Variants in REXO5 observed in about 807,000 individuals in gnomAD.
REXO5 encodes exonuclease NEF-sp.
A neutral mutation model predicts 88.5 loss-of-function variants in REXO5; 48 were observed. The ratio of observed to expected loss-of-function variants is 0.54; its 90% confidence interval spans 0.43 to 0.69. REXO5 has a LOEUF of 0.69. Among genes scored for constraint, REXO5 ranks in the 30% least tolerant of loss-of-function variants. The pLI is 0.00. For missense variants in REXO5, 749 were observed against 912.2 expected (o/e 0.82, Z 2.30); for synonymous variants, 311 against 336.5 (o/e 0.92, Z 0.83).
rs779122463 is a variant in REXO5 at position 20,840,474 on chromosome 16, A to G, written c.1626+6A>G. On this transcript the variant is annotated splice_donor_region_variant and intron_variant, in intron 15 of 19. Transcript: ENST00000261377. ...TTGTTCTTGAAACCCGTCAGGTAAG[A>G]CCGGAAAATTCAGATTTCATTTTCT... 1.5e-5 allele frequency: 23 copies of G among 1,540,348 alleles called. No homozygotes were observed. Among genetic ancestry groups the G allele is most frequent in the Middle Eastern group, 1.7e-4 (1 of 5,776 alleles).
rs138180409 is a variant in REXO5 at position 20,813,187 on chromosome 16, C to T, written c.139-3C>T. The T allele has an allele frequency of 6.5e-3, 10,398 of 1,601,570 alleles. 45 individuals are homozygous for T. Among genetic ancestry groups the T allele is most frequent in the Non-Finnish European group, 7.5e-3 (8,805 of 1,168,710 alleles). ...CTTGCTACGCCCTGATTAATCTTTG[C>T]AGAAAGCCCGCTTATCTACCATTTT... On this transcript the variant is annotated splice_polypyrimidine_tract_variant and splice_region_variant and intron_variant, in intron 2 of 19. Transcript: ENST00000261377.
intron 3 of REXO5, among the ~76,000 whole-genome samples, chr16:20,813,877 A>G (rs1314155014): frequency 6.6e-6 from 1 of 152,064 alleles, no homozygotes; most frequent in Non-Finnish European, 1.5e-5. Context: ...TGGGCAACAT[A>G]GCGAGACTCA....
chr16:20,823,311 G>A (rs897884162), intron 6 of REXO5: 4 of 152,164 alleles, frequency 2.6e-5, no homozygotes, highest in Non-Finnish European at 2.9e-5. Context: ...TGATGTAGGC[G>A]TGTTTTATAG....
Position 20,827,152 on chromosome 16 carries a change from G to A in REXO5, c.916G>A (p.Val306Met). 6.2e-7 allele frequency: 1 copy of A among 1,614,134 alleles called. No homozygotes were observed. Among genetic ancestry groups the A allele is most frequent in the Non-Finnish European group, 8.5e-7 (1 of 1,180,020 alleles). Residue 306 changes from valine to methionine, a missense_variant, in exon 9 of 20, where the codon GTG becomes ATG. Coordinates refer to ENST00000261377, the MANE Select transcript of REXO5 (RefSeq NM_030941.3). ...QLKALLPPDA[V>M]LVGHSLDLDL... Reference sequence around the variant, plus strand: ...AAAAGCACTGCTTCCTCCTGATGCTGTGTTAGTGGGCCACTCCTTAGATTT... The same window carrying A: ...AAAAGCACTGCTTCCTCCTGATGCTATGTTAGTGGGCCACTCCTTAGATTT...
chr16:20,839,533 A>G (rs1406086366), intron 13 of REXO5, among the ~76,000 whole-genome samples: 2 of 152,166 alleles, frequency 1.3e-5, no homozygotes, highest in Non-Finnish European at 2.9e-5. Context: ...TGCCGAAGGT[A>G]TGGCTCATAT....
intron 11 of REXO5, among the ~76,000 whole-genome samples, chr16:20,829,192 A>C (rs868621094): frequency 3.9e-5 from 6 of 152,138 alleles, no homozygotes; most frequent in African/African-American, 1.4e-4. Flanking sequence ...GGGAATACAC[A>C]CTTTTCTGGG....
chr16:20,814,134 C>A (rs892295576), intron 3 of REXO5, among the ~76,000 whole-genome samples: 4 of 151,332 alleles, frequency 2.6e-5, no homozygotes, highest in African/African-American at 9.7e-5. Flanking sequence ...TTGCAACTAC[C>A]CAACTTGGCC....
At chr16:20,808,231 C>T (rs1400252598) in intron 2 of REXO5, among the ~76,000 whole-genome samples, 1 of 152,158 alleles carries the variant, frequency 6.6e-6, no homozygotes, top group Non-Finnish European at 1.5e-5. Flanking sequence ...GGGACCGCTG[C>T]AATAGGGGAA....
At position 20,827,432 on chromosome 16, in the gene REXO5, C is replaced by G; in HGVS notation, c.1040C>G (p.Ala347Gly). 1 of 1,612,800 alleles carries G rather than the reference C, an allele frequency of 6.2e-7. No homozygotes were observed. The highest frequency in any genetic ancestry group is 8.5e-7 in the Non-Finnish European group (1 of 1,179,324). ...QGRRFKLKFL[A>G]KVILGKDIQC... is the part of the protein sequence containing the mutation. Reference sequence around the variant, plus strand: ...AGAAGATTTAAGCTCAAGTTCTTAGCCAAAGTTATTTTGGGGTAGGTTTGC... The same window carrying G: ...AGAAGATTTAAGCTCAAGTTCTTAGGCAAAGTTATTTTGGGGTAGGTTTGC... Residue 347 changes from alanine (A) to glycine (G), a missense_variant, in exon 10 of 20, where the codon GCC becomes GGC. Physicochemically the swap from Ala to Gly is moderately conservative, Grantham distance 60 (BLOSUM62 0). Coordinates refer to ENST00000261377, the MANE Select transcript of REXO5 (RefSeq NM_030941.3).
At chr16:20,816,809 G>C (rs2081088109) in intron 5 of REXO5, among the ~76,000 whole-genome samples, 1 of 152,178 alleles carries the variant, frequency 6.6e-6, no homozygotes, top group African/African-American at 2.4e-5. Flanking sequence ...TTTCTAAACT[G>C]TCACTGGGTC....
intron 5 of REXO5, among the ~76,000 whole-genome samples, chr16:20,820,536 ATATATATATTTTTTTTTTTTTTTT>A (rs2081163091): frequency 7.9e-5 from 1 of 12,654 alleles, no homozygotes; most frequent in Non-Finnish European, 1.3e-4. Context: ...ATATATATAT[ATATATATATTTTTTTTTTTTTTTT>A]TTTTTTTTTT....
chr16:20,849,173 C>T (rs140909264), intron 19 of REXO5, among the ~76,000 whole-genome samples: 72 of 152,310 alleles, frequency 4.7e-4, no homozygotes, highest in Non-Finnish European at 5.9e-4. Context: ...ATAGATATGC[C>T]TCATATCTCT....
rs569011351 is a variant in REXO5, at chr16:20,811,498, A to AT, written c.139-1684dup. ...GACTATTATTCAAGTATTAAAATTG[A>AT]TTTTTTTTAACTGATATGGAAAGAT... is the stretch of plus-strand genomic sequence containing the variant. On this transcript the variant is annotated intron_variant, in intron 2 of 19. Coordinates refer to ENST00000261377, the MANE Select transcript of REXO5 (RefSeq NM_030941.3). Among the ~76,000 whole-genome samples the AT allele has an allele frequency of 7.2e-5, 11 of 152,170 alleles. No homozygotes were observed. The East Asian group carries it at 1.7e-3, about 24-fold the overall frequency.
At chr16:20,813,138 G>T (rs2081025765) in intron 2 of REXO5, 52 bp from the exon 3 acceptor site, 6 of 1,163,978 alleles carry the variant, frequency 5.2e-6, no homozygotes, top group African/African-American at 3.0e-5. Context: ...TTGCTTTGTT[G>T]GTATTCTTGA....
intron 19 of REXO5, among the ~76,000 whole-genome samples, chr16:20,848,278 T>C (rs2152514228): frequency 6.6e-6 from 1 of 152,320 alleles, no homozygotes. Flanking sequence ...ATAGAAGGTT[T>C]CCTTAGGCTG....
At chr16:20,824,673 C>T (rs2081234943) in intron 7 of REXO5, 146 bp downstream of exon 7, 1 of 639,050 alleles carries the variant, frequency 1.6e-6, no homozygotes, top group Non-Finnish European at 2.8e-6. Context: ...CTTTTACTCA[C>T]ACTTTAGAAA....
chr16:20,820,042 T>C (rs1262755685), intron 5 of REXO5, among the ~76,000 whole-genome samples: 1 of 152,174 alleles, frequency 6.6e-6, no homozygotes, highest in African/African-American at 2.4e-5. Context: ...AGGCATGCCA[T>C]GCACCCAGCC....
At chr16:20,839,230 C>T (rs1040758261) in intron 13 of REXO5, among the ~76,000 whole-genome samples, 4 of 152,364 alleles carry the variant, frequency 2.6e-5, no homozygotes, top group African/African-American at 7.2e-5. Flanking sequence ...AGCATGGCTT[C>T]TCTGAGGCTG....
At chr16:20,848,550 C>A (rs1291926176) in intron 19 of REXO5, among the ~76,000 whole-genome samples, 1 of 152,158 alleles carries the variant, frequency 6.6e-6, no homozygotes, top group Non-Finnish European at 1.5e-5. Flanking sequence ...CTCCTGCCCT[C>A]AAAGCTCTAG....
Sources: gnomAD v4.1 joint callset for allele counts (sites outside exome capture counted in the v4.1 genomes callset) on GRCh38, gnomAD v4.1.1 for gene constraint, MANE v1.5 for transcripts, NCBI Gene and HGNC (gene_info 2026-07-23, HGNC 2026-07-21) for gene names.